The following IFT25 variants were observed in gnomAD, a reference collection of about 807,000 sequenced individuals.
IFT25 encodes the protein intraflagellar transport protein 25 homolog.
At chr1:53,940,171 G>A in the IFT25 span, 12 of 742,644 alleles carry the variant, frequency 1.6e-5, no homozygotes, top group Non-Finnish European at 2.7e-5. Context: ...GAAGTGAGAA[G>A]GAAAGGCTGT....
the IFT25 span, among the ~76,000 whole-genome samples, chr1:53,940,362 A>G: frequency 6.6e-6 from 1 of 152,242 alleles, no homozygotes; most frequent in Non-Finnish European, 1.5e-5. Flanking sequence ...ACACAGAGGT[A>G]CAGGAAGAAG....
chr1:53,919,499 G>A, the IFT25 span, among the ~76,000 whole-genome samples: 1 of 152,084 alleles, frequency 6.6e-6, no homozygotes, highest in Admixed American at 6.6e-5. Context: ...ACACTATCTA[G>A]ACCATAGGAG....
chr1:53,940,945 CA>C, the IFT25 span, among the ~76,000 whole-genome samples: 130 of 150,088 alleles, frequency 8.7e-4, no homozygotes, highest in African/African-American at 2.9e-3. Flanking sequence ...TTTGGGAGGC[CA>C]AAAAAAAATT....
the IFT25 span, among the ~76,000 whole-genome samples, chr1:53,938,402 AAC>A: frequency 6.6e-6 from 1 of 152,336 alleles, no homozygotes; most frequent in South Asian, 2.1e-4. Context: ...AAAGTAAGGT[AAC>A]AGAGGTATAT....
the IFT25 span, among the ~76,000 whole-genome samples, chr1:53,943,847 C>T: frequency 8.5e-5 from 13 of 152,124 alleles, no homozygotes; most frequent in African/African-American, 3.1e-4. Context: ...GTCTCTAACT[C>T]GTGAGCTCAA....
At chr1:53,913,843 G>A in the IFT25 span, among the ~76,000 whole-genome samples, 5 of 152,188 alleles carry the variant, frequency 3.3e-5, no homozygotes, top group South Asian at 2.1e-4. Flanking sequence ...CAAAGAGCTC[G>A]TGTGAGCACA....
the IFT25 span, chr1:53,929,792 G>A: frequency 2.4e-6 from 1 of 412,074 alleles, no homozygotes; most frequent in East Asian, 4.7e-5. Flanking sequence ...ATGTGCTTTG[G>A]AAGGGTTTCG....
chr1:53,936,182 G>A, the IFT25 span, among the ~76,000 whole-genome samples: 3 of 152,178 alleles, frequency 2.0e-5, no homozygotes, highest in Admixed American at 2.0e-4. Flanking sequence ...CAGCTACTCG[G>A]AAGGCTGAGG....
chr1:53,936,193 C>T, the IFT25 span, among the ~76,000 whole-genome samples: 2 of 152,144 alleles, frequency 1.3e-5, no homozygotes, highest in African/African-American at 2.4e-5. Flanking sequence ...AAGGCTGAGG[C>T]AGAAGAATCA....
At chr1:53,939,559 A>T in the IFT25 span, 2 of 163,440 alleles carry the variant, frequency 1.2e-5, no homozygotes, top group East Asian at 3.8e-4. Flanking sequence ...ACAATACACG[A>T]TAGCAAGGAA....
chr1:53,939,477 T>C, the IFT25 span, among the ~76,000 whole-genome samples: 1 of 150,256 alleles, frequency 6.7e-6, no homozygotes, highest in Non-Finnish European at 1.5e-5. Flanking sequence ...TTTAGAAAAA[T>C]ATCTAGCTAG....
the IFT25 span, among the ~76,000 whole-genome samples, chr1:53,917,768 A>C: frequency 6.6e-6 from 1 of 152,152 alleles, no homozygotes; most frequent in Non-Finnish European, 1.5e-5. Flanking sequence ...CACAGGTTGC[A>C]GTGAGCTGAG....
At chr1:53,941,262 G>A in the IFT25 span, among the ~76,000 whole-genome samples, 1 of 151,854 alleles carries the variant, frequency 6.6e-6, no homozygotes. Flanking sequence ...CAAAGTGCTG[G>A]GATTACAGGT....
chr1:53,936,458 T>A, the IFT25 span, among the ~76,000 whole-genome samples: 1 of 152,024 alleles, frequency 6.6e-6, no homozygotes, highest in South Asian at 2.1e-4. Flanking sequence ...TCAAAAAAAA[T>A]AAAAAAGACA....
chr1:53,927,632 C>T, the IFT25 span, among the ~76,000 whole-genome samples: 1 of 152,180 alleles, frequency 6.6e-6, no homozygotes, highest in Non-Finnish European at 1.5e-5. Context: ...AATAGATGTT[C>T]AACTAATCAT....
At chr1:53,936,815 T>C in the IFT25 span, among the ~76,000 whole-genome samples, 3 of 152,218 alleles carry the variant, frequency 2.0e-5, no homozygotes, top group African/African-American at 7.2e-5. Flanking sequence ...TTTCCCCTTT[T>C]TCATTGACAC....
the IFT25 span, among the ~76,000 whole-genome samples, chr1:53,932,685 T>A: frequency 2.0e-5 from 3 of 151,996 alleles, no homozygotes; most frequent in Non-Finnish European, 4.4e-5. Flanking sequence ...ATGCCTCAGC[T>A]CCAAAAGGAG....
chr1:53,929,751 C>A, the IFT25 span: 1 of 275,012 alleles, frequency 3.6e-6, no homozygotes, highest in Non-Finnish European at 6.5e-6. Context: ...TTGCCAAAGA[C>A]TTTTACATAG....
At chr1:53,924,007 T>C in the IFT25 span, 15 of 1,064,184 alleles carry the variant, frequency 1.4e-5, no homozygotes, top group African/African-American at 7.9e-5. Context: ...AGAATAGCTA[T>C]TGAAATTTAT....
Sources: allele counts gnomAD v4.1 joint callset (sites outside exome capture counted in the v4.1 genomes callset), GRCh38; gene constraint gnomAD v4.1.1; transcripts MANE v1.5; gene names NCBI Gene and HGNC (gene_info 2026-07-23, HGNC 2026-07-21).